Variants in GNB1L observed in about 807,000 individuals in gnomAD.
GNB1L encodes the protein G protein subunit beta 1 like.
Under a neutral mutation model 29.1 loss-of-function variants are expected in GNB1L, and 20 were observed. That is an observed-to-expected ratio of 0.69 (90% CI 0.48 to 1.00). The LOEUF (loss-of-function observed/expected upper bound fraction) is 1.00, where lower values mean the gene tolerates loss of function less well. Ranked by LOEUF, GNB1L falls within the 50% of genes least tolerant of loss-of-function variation. The probability of loss-of-function intolerance (pLI) is 0.00; values close to 1 mark genes in which losing one functional copy is unlikely to be tolerated. For missense variants in GNB1L, 421 were observed against 464.9 expected, an observed-to-expected ratio of 0.91 and a Z score of 0.87; for synonymous variants, 193 against 206.5, an observed-to-expected ratio of 0.93 and a Z score of 0.56.
At chr22:19,792,611 A>G in intron 7 of GNB1L, 2 of 1,597,948 alleles carry the variant, frequency 1.3e-6, no homozygotes, top group East Asian at 4.5e-5. Context: ...GACCAGAGAC[A>G]AAGCAAGAGA....
chr22:19,851,411 G>A (rs770819035), intron 2 of GNB1L: 72 of 1,614,074 alleles, frequency 4.5e-5, no homozygotes, highest in Middle Eastern at 1.6e-4. Context: ...TGGTTCCACA[G>A]GACCAGGCTT....
At chr22:19,819,966 G>A (rs1001137893) in intron 4 of GNB1L, among the ~76,000 whole-genome samples, 12 of 152,142 alleles carry the variant, frequency 7.9e-5, no homozygotes, top group East Asian at 1.9e-4. Flanking sequence ...CCACATAGCC[G>A]TATGTGGCAC....
At chr22:19,812,555 C>T (rs1947569887) in intron 4 of GNB1L, 108 bp from the exon 5 acceptor site, 8 of 1,082,882 alleles carry the variant, frequency 7.4e-6, no homozygotes, top group African/African-American at 3.2e-5. Flanking sequence ...GAGTGGGTGC[C>T]GTGAGCTTGG....
chr22:19,827,191 C>T (rs7285337), intron 2 of GNB1L, among the ~76,000 whole-genome samples: 31,422 of 151,932 alleles, frequency 0.21, 3,372 homozygotes, highest in East Asian at 0.32. Flanking sequence ...TGTCTTTATT[C>T]CTACGAGATA....
intron 2 of GNB1L, among the ~76,000 whole-genome samples, chr22:19,835,112 G>C (rs887648220): frequency 6.6e-6 from 1 of 152,082 alleles, no homozygotes; most frequent in African/African-American, 2.4e-5. Context: ...CAAAATGCAT[G>C]AAGAAAAAAC....
Position 19,849,687 on chromosome 22 carries a change from C to G in GNB1L, c.-21+4756G>C, listed in dbSNP as rs16984268. 293 of 985,384 alleles carry G rather than the reference C, an allele frequency of 3.0e-4. 1 individual carries two copies. In the African/African-American group the frequency reaches 4.8e-3, roughly 16 times the overall value. The allele number at this position is 985,384 out of a possible 1,614,324, so 61.0% of individuals were successfully genotyped here. ...CGGCCAGTTTCTGAATAAGTTTAAT[C>G]AGATGCTTGCTAATTAGTTTTTCCT... On this transcript the variant is annotated intron_variant, in intron 2 of 7. Coordinates refer to ENST00000329517, the MANE Select transcript of GNB1L (RefSeq NM_053004.3).
intron 2 of GNB1L, chr22:19,852,506 G>A (rs1007412985): frequency 3.8e-6 from 2 of 528,410 alleles, no homozygotes; most frequent in East Asian, 6.3e-5. Flanking sequence ...GACAAGGTGG[G>A]GAAGAGCAGG....
At chr22:19,840,572 G>A (rs1453758875) in intron 2 of GNB1L, among the ~76,000 whole-genome samples, 1 of 152,216 alleles carries the variant, frequency 6.6e-6, no homozygotes, top group Non-Finnish European at 1.5e-5. Context: ...CACTTTGGGA[G>A]GTCGAGGCGG....
rs757354984 is a variant in GNB1L at position 19,820,694 on chromosome 22, C to A, written c.158G>T (p.Ser53Ile). ...GSQSGLVHIW[S>I]LQTRRAVTTL... ...GGTAACCGCTCTCCGCGTCTGCAGG[C>A]TCCAGATGTGTACCAGGCCACTCTG... Residue 53 changes from serine (S) to isoleucine (I), a missense_variant, in exon 4 of 8, where the codon AGC becomes ATC. Transcript: ENST00000329517. 1.2e-6 allele frequency: 2 copies of A among 1,613,474 alleles called. No homozygotes were observed. Among genetic ancestry groups the A allele is most frequent in the Admixed American group, 1.7e-5 (1 of 60,006 alleles).
intron 2 of GNB1L, among the ~76,000 whole-genome samples, chr22:19,843,815 C>T (rs1601351256): frequency 1.3e-5 from 2 of 152,352 alleles, no homozygotes; most frequent in East Asian, 1.9e-4. Context: ...TAGGCCCCGA[C>T]GAAGGACAGC....
At chr22:19,805,781 CA>C (rs535320240) in intron 6 of GNB1L, among the ~76,000 whole-genome samples, 15 of 147,494 alleles carry the variant, frequency 1.0e-4, no homozygotes, top group East Asian at 3.9e-4. Context: ...GACTCCATCA[CA>C]AAAAAAAAAT....
chr22:19,830,055 T>C (rs1937658219), intron 2 of GNB1L, among the ~76,000 whole-genome samples: 1 of 152,114 alleles, frequency 6.6e-6, no homozygotes, highest in Admixed American at 6.6e-5. Context: ...TATCTTCCTG[T>C]TGAGTATAGT....
intron 2 of GNB1L, among the ~76,000 whole-genome samples, chr22:19,831,585 G>C (rs1937681118): frequency 6.6e-6 from 1 of 151,566 alleles, no homozygotes; most frequent in South Asian, 2.1e-4. Flanking sequence ...CAGTTACTTG[G>C]GAGGCTGAGG....
chr22:19,798,479 G>A (rs1464150248), intron 7 of GNB1L, among the ~76,000 whole-genome samples: 1 of 152,174 alleles, frequency 6.6e-6, no homozygotes, highest in Non-Finnish European at 1.5e-5. Flanking sequence ...CTCTTGACAG[G>A]AATTTGCTGG....
chr22:19,783,359 G>A lies in GNB1L; in HGVS notation c.*5350C>T. On this transcript the variant is annotated 3_prime_UTR_variant, in exon 8 of 8. Coordinates refer to ENST00000329517, the MANE Select transcript of GNB1L (RefSeq NM_053004.3). ...AGGTCAAGTGTGCATGCAAGAGGTG[G>A]CAGGGGACAGATGTGCTGCTGTTCC... 2.7e-6 allele frequency: 1 copy of A among 363,682 alleles called. No individual in the cohort carries two copies. 22.5% of individuals were successfully genotyped at this position (363,682 alleles called of 1,614,324 possible).
chr22:19,806,777 T>C lies in GNB1L; in HGVS notation c.418-20A>G, dbSNP rs537201096. The C allele has an allele frequency of 8.3e-6, 13 of 1,560,592 alleles. No individual in the cohort carries two copies. The highest frequency in any genetic ancestry group is 1.1e-5 in the Non-Finnish European group (13 of 1,131,790). ...CTGAACCTGACAGTAAGAAAACAAG[T>C]TGATTTGGGCCGTCGCCAAGTCGAG... On this transcript the variant is annotated intron_variant, in intron 5 of 7. Coordinates refer to ENST00000329517, the MANE Select transcript of GNB1L (RefSeq NM_053004.3).
Position 19,821,343 on chromosome 22 carries a change from AG to A in GNB1L, c.12del (p.Cys5AlafsTer67), listed in dbSNP as rs1555901417. 5.0e-6 allele frequency: 8 copies of A among 1,612,532 alleles called. No individual in the cohort carries two copies. The highest frequency in any genetic ancestry group is 5.9e-6 in the Non-Finnish European group (7 of 1,179,688). ...TGGGGGTCTGGAGGTGGCGGCGGGC[AG>A]GGGGCCGTCATGCTGGGCAGGATGC... MTA[P>X]CPPPPPDPQF... is the part of the protein sequence containing the mutation. On this transcript the variant is annotated frameshift_variant, in exon 3 of 8. Coordinates refer to ENST00000329517, the MANE Select transcript of GNB1L (RefSeq NM_053004.3). LOFTEE classifies it high-confidence loss of function.
chr22:19,820,517 G>A (rs5748447), intron 4 of GNB1L, 81 bp downstream of exon 4: 1 of 1,466,032 alleles, frequency 6.8e-7, no homozygotes. Context: ...CTGCCCCTCA[G>A]TGGGGGACAC....
At chr22:19,852,438 C>G (rs949819180) in intron 2 of GNB1L, 27 of 633,390 alleles carry the variant, frequency 4.3e-5, no homozygotes, top group Non-Finnish European at 6.4e-5. Context: ...CTCAGGAGAG[C>G]TGAGAAGAGC....
Sources: gnomAD v4.1 joint callset for allele counts (sites outside exome capture counted in the v4.1 genomes callset) on GRCh38, gnomAD v4.1.1 for gene constraint, MANE v1.5 for transcripts, NCBI Gene and HGNC (gene_info 2026-07-23, HGNC 2026-07-21) for gene names.